Variants in TRIP4 observed in about 807,000 individuals in gnomAD.
The protein encoded by TRIP4 is thyroid hormone receptor interactor 4.
In TRIP4, 54 loss-of-function variants were observed where a neutral mutation model predicts 81.8. The observed-to-expected ratio is 0.66, with a 90% CI of 0.53 to 0.83. The LOEUF is 0.83. Ranked by LOEUF, TRIP4 falls within the 40% of genes least tolerant of loss-of-function variation. The probability of loss-of-function intolerance (pLI) is 0.00; values close to 1 mark genes in which losing one functional copy is unlikely to be tolerated. For synonymous variants in TRIP4, 270 were observed against 242.8 expected (o/e 1.11, Z -1.04); for missense variants, 662 against 683.6 (o/e 0.97, Z 0.35).
chr15:64,410,724 G>T (rs1487485100), intron 7 of TRIP4, among the ~76,000 whole-genome samples: 4 of 151,950 alleles, frequency 2.6e-5, no homozygotes, highest in Non-Finnish European at 1.5e-5. Context: ...AAGTCATGAA[G>T]ATATAAGATA....
chr15:64,404,330 A>C (rs919919399), intron 5 of TRIP4, among the ~76,000 whole-genome samples: 1 of 151,530 alleles, frequency 6.6e-6, no homozygotes, highest in African/African-American at 2.4e-5. Context: ...ATTTTTATTT[A>C]TTTATTTGTT....
rs143127546 is a variant in TRIP4, at chr15:64,404,782, C to G, written c.698-1548C>G. ...AGTACATTGGTATGAACACATTTTACTGCAGCAATTCTCCTGCCTCAGCCT... is the reference window on the plus strand; with the variant it reads ...AGTACATTGGTATGAACACATTTTAGTGCAGCAATTCTCCTGCCTCAGCCT... On this transcript the variant is annotated intron_variant, in intron 5 of 12. Coordinates refer to ENST00000261884, the MANE Select transcript of TRIP4 (RefSeq NM_016213.5). Among the ~76,000 whole-genome samples the G allele has an allele frequency of 8.9e-3, 1,336 of 149,704 alleles. 23 individuals carry two copies. The highest frequency in any genetic ancestry group is 0.031 in the African/African-American group (1,277 of 40,698).
chr15:64,403,301 C>T (rs938708051), intron 5 of TRIP4, among the ~76,000 whole-genome samples: 2 of 152,108 alleles, frequency 1.3e-5, no homozygotes, highest in Non-Finnish European at 1.5e-5. Flanking sequence ...GGACTACAGG[C>T]GTGCACCACT....
chr15:64,409,922 TA>T, intron 7 of TRIP4, 94 bp downstream of exon 7: 1 of 1,156,132 alleles, frequency 8.6e-7, no homozygotes, highest in Non-Finnish European at 1.2e-6. Context: ...TTTGTTGATT[TA>T]AAAAATGTGT....
intron 1 of TRIP4, among the ~76,000 whole-genome samples, chr15:64,391,066 T>C (rs1900112976): frequency 1.3e-5 from 2 of 152,168 alleles, no homozygotes; most frequent in African/African-American, 2.4e-5. Flanking sequence ...TAATTGAGAA[T>C]TACCCAGGTG....
chr15:64,392,900 C>T (rs1238299382), intron 1 of TRIP4, among the ~76,000 whole-genome samples: 1 of 152,126 alleles, frequency 6.6e-6, no homozygotes, highest in Non-Finnish European at 1.5e-5. Context: ...CAGGCATGGG[C>T]TCCCGAACCC....
At chr15:64,431,847 A>ATATATATTTTTTTT in intron 11 of TRIP4, among the ~76,000 whole-genome samples, 1 of 119,558 alleles carries the variant, frequency 8.4e-6, no homozygotes, top group Non-Finnish European at 1.6e-5. Context: ...ATATATATAT[A>ATATATATTTTTTTT]TTTTTTTTAT....
chr15:64,400,904 G>A, intron 5 of TRIP4, 83 bp downstream of exon 5: 1 of 1,128,878 alleles, frequency 8.9e-7, no homozygotes, highest in Non-Finnish European at 1.3e-6. Context: ...CTGTATCCTG[G>A]AGTGCAAGAT....
chr15:64,402,292 G>A (rs928514625), intron 5 of TRIP4, among the ~76,000 whole-genome samples: 5 of 144,820 alleles, frequency 3.5e-5, no homozygotes, highest in Admixed American at 1.4e-4. Context: ...GTGTGATCTC[G>A]GCTCACCGCA....
chr15:64,409,651 A>T lies in TRIP4; in HGVS notation c.866A>T (p.Tyr289Phe). The T allele has an allele frequency of 6.2e-7, 1 of 1,614,232 alleles. No homozygotes were observed. Among genetic ancestry groups the T allele is most frequent in the Non-Finnish European group, 8.5e-7 (1 of 1,180,034 alleles). ...CAAGTCATTGATGATGAGTCAGATT[A>T]CTTTGCCAGTGATTCTAACCAATGG... ...RTQVIDDESD[Y>F]FASDSNQWLS... The change falls in exon 7 of 13, where the codon TAC (tyrosine) becomes TTC (phenylalanine). Residue 289 changes from tyrosine to phenylalanine, a missense_variant. Transcript: ENST00000261884.
At chr15:64,393,150 A>G (rs1220939296) in intron 1 of TRIP4, among the ~76,000 whole-genome samples, 1 of 147,802 alleles carries the variant, frequency 6.8e-6, no homozygotes, top group Admixed American at 6.8e-5. Context: ...CTTGTATGTT[A>G]ATTTTTTTTT....
chr15:64,431,617 A>C (rs563662075), intron 11 of TRIP4, among the ~76,000 whole-genome samples: 49 of 151,600 alleles, frequency 3.2e-4, no homozygotes, highest in Non-Finnish European at 6.0e-4. Context: ...GAGGCAGGAG[A>C]ATCACTTGAA....
intron 8 of TRIP4, among the ~76,000 whole-genome samples, chr15:64,417,953 G>A (rs1208287129): frequency 3.3e-5 from 5 of 152,220 alleles, no homozygotes; most frequent in East Asian, 1.9e-4. Context: ...TGTGATATTT[G>A]TGCTGTTGCT....
intron 11 of TRIP4, among the ~76,000 whole-genome samples, chr15:64,428,115 G>A (rs1293405889): frequency 6.6e-6 from 1 of 152,158 alleles, no homozygotes; most frequent in African/African-American, 2.4e-5. Context: ...AGAGAACCCA[G>A]GAGCATCTGG....
intron 11 of TRIP4, among the ~76,000 whole-genome samples, chr15:64,438,087 GT>G (rs1420580965): frequency 1.3e-5 from 2 of 152,168 alleles, no homozygotes; most frequent in Non-Finnish European, 2.9e-5. Context: ...AAGGAGTATT[GT>G]TGACATTAAT....
intron 6 of TRIP4, among the ~76,000 whole-genome samples, chr15:64,408,135 G>C (rs1303819587): frequency 1.5e-5 from 2 of 137,104 alleles, no homozygotes; most frequent in Non-Finnish European, 3.1e-5. Context: ...TGTTAAAAAA[G>C]TTTCTACTCT....
rs76563569 is a variant in TRIP4, at chr15:64,428,047, G to C, written c.1575+2416G>C. ...TTTTAGAGATTCACAGTCGTTAACAGCTTAGTATAACATACTGCATTATGT... is the reference window on the plus strand; with the variant it reads ...TTTTAGAGATTCACAGTCGTTAACACCTTAGTATAACATACTGCATTATGT... On this transcript the variant is annotated intron_variant, in intron 11 of 12. Coordinates refer to ENST00000261884, the MANE Select transcript of TRIP4 (RefSeq NM_016213.5). 3.8e-3 allele frequency among the ~76,000 whole-genome samples: 578 copies of C among 151,984 alleles called. 6 individuals are homozygous for C. Among genetic ancestry groups the C allele is most frequent in the African/African-American group, 0.013 (555 of 41,432 alleles).
At chr15:64,400,640 T>G in intron 4 of TRIP4, 103 bp from the exon 5 acceptor site, 1 of 850,002 alleles carries the variant, frequency 1.2e-6, no homozygotes, top group Non-Finnish European at 1.9e-6. Context: ...GTCTCATTAT[T>G]TTATCATCAT....
chr15:64,393,925 C>A (rs761097951), intron 1 of TRIP4, 21 bp from the exon 2 acceptor site: 1 of 1,560,754 alleles, frequency 6.4e-7, no homozygotes. Flanking sequence ...GTTTCAACAA[C>A]TTATATCTTT....
Sources: allele counts gnomAD v4.1 joint callset (sites outside exome capture counted in the v4.1 genomes callset), GRCh38; gene constraint gnomAD v4.1.1; transcripts MANE v1.5; gene names NCBI Gene and HGNC (gene_info 2026-07-23, HGNC 2026-07-21).